Variants in GRID2 observed in about 807,000 individuals in gnomAD.
GRID2 encodes glutamate receptor ionotropic, delta-2.
Under a neutral mutation model 114.8 loss-of-function variants are expected in GRID2, and 33 were observed. The ratio of observed to expected loss-of-function variants is 0.29; its 90% CI spans 0.22 to 0.38. GRID2 has a LOEUF of 0.38. Ranked by LOEUF, GRID2 falls within the 10% of genes least tolerant of loss-of-function variation. GRID2 has a pLI of 1.00. For synonymous variants in GRID2, 505 were observed against 449.9 expected (o/e 1.12, Z -1.55); for missense variants, 1,184 against 1,257.7 (o/e 0.94, Z 0.89).
At chr4:92,391,199 G>A (rs1411061731) in intron 1 of GRID2, among the ~76,000 whole-genome samples, 2 of 152,130 alleles carry the variant, frequency 1.3e-5, no homozygotes, top group Non-Finnish European at 2.9e-5. Flanking sequence ...CACTTTGGAA[G>A]TTTTTAGTCA....
At position 93,290,632 on chromosome 4, in the gene GRID2, G is replaced by A. The variant is rs555455816; in HGVS notation, c.1245+52142G>A. On this transcript the variant is annotated intron_variant, in intron 8 of 15. Transcript: ENST00000282020. ...CCTACACAAAAAGTTACATAAATGA[G>A]ATTAAATATTATGTGTTTTTATCTG... Among the ~76,000 whole-genome samples the A allele has an allele frequency of 2.2e-3, 327 of 152,024 alleles. 2 individuals carry two copies. The highest frequency in any genetic ancestry group is 7.7e-3 in the African/African-American group (318 of 41,488).
intron 10 of GRID2, among the ~76,000 whole-genome samples, chr4:93,428,471 G>A (rs907153050): frequency 5.3e-5 from 8 of 152,048 alleles, no homozygotes; most frequent in African/African-American, 1.9e-4. Flanking sequence ...ATTGAATCAT[G>A]ACTCAATTCA....
intron 2 of GRID2, among the ~76,000 whole-genome samples, chr4:92,594,737 TAA>T (rs909658333): frequency 3.3e-5 from 5 of 152,006 alleles, no homozygotes; most frequent in Non-Finnish European, 7.4e-5. Flanking sequence ...TTTTTATTCA[TAA>T]GTTACTCTTT....
intron 4 of GRID2, among the ~76,000 whole-genome samples, chr4:93,160,692 T>A (rs114381990): frequency 0.014 from 2,200 of 151,882 alleles, 25 homozygotes; most frequent in Admixed American, 0.026. Context: ...GGATAAAATA[T>A]GGGTTCATTC....
At chr4:92,659,769 C>T (rs1050948813) in intron 2 of GRID2, among the ~76,000 whole-genome samples, 1 of 151,420 alleles carries the variant, frequency 6.6e-6, no homozygotes, top group Admixed American at 6.6e-5. Context: ...TGGTACCCCA[C>T]ATTTTCCAGA....
intron 13 of GRID2, among the ~76,000 whole-genome samples, chr4:93,585,286 G>T (rs144655179): frequency 6.6e-6 from 1 of 152,038 alleles, no homozygotes; most frequent in Non-Finnish European, 1.5e-5. Context: ...TTCATTGAAA[G>T]CTCCGTTTTT....
chr4:93,192,848 A>G (rs1245377533), intron 4 of GRID2, among the ~76,000 whole-genome samples: 1 of 152,104 alleles, frequency 6.6e-6, no homozygotes, highest in Non-Finnish European at 1.5e-5. Flanking sequence ...ATGTGTCCAT[A>G]AGAACAAGCC....
chr4:93,391,230 C>A (rs1434548185), intron 8 of GRID2, among the ~76,000 whole-genome samples: 1 of 152,164 alleles, frequency 6.6e-6, no homozygotes, highest in African/African-American at 2.4e-5. Flanking sequence ...CATTCATTCA[C>A]ATGTCAAAGT....
rs530635415 is a variant in GRID2, at chr4:93,678,520, C to A, written c.2360+52085C>A. 3.3e-5 allele frequency among the ~76,000 whole-genome samples: 5 copies of A among 151,954 alleles called. No individual in the cohort carries two copies. In the East Asian group the frequency reaches 7.7e-4, roughly 24 times the overall value. The stretch of plus-strand genomic sequence containing the variant: ...CTGAAGGAAAAAATGTTAAGGGCAG[C>A]CAGAGAGAAAGGTCCGGTTACCCAC... On this transcript the variant is annotated intron_variant, in intron 14 of 15. Transcript: ENST00000282020.
intron 2 of GRID2, among the ~76,000 whole-genome samples, chr4:93,004,538 C>T (rs1721310495): frequency 1.3e-5 from 2 of 152,100 alleles, no homozygotes; most frequent in South Asian, 2.1e-4. Context: ...TTATGAATCC[C>T]GAGTTTCTCC....
intron 2 of GRID2, among the ~76,000 whole-genome samples, chr4:92,923,556 T>A (rs1021904118): frequency 6.6e-6 from 1 of 152,218 alleles, no homozygotes; most frequent in Non-Finnish European, 1.5e-5. Flanking sequence ...CTTATTTCTA[T>A]TCTGCCATTT....
intron 14 of GRID2, among the ~76,000 whole-genome samples, chr4:93,710,072 GCCTTTT>G (rs1560931589): frequency 1.3e-5 from 2 of 152,248 alleles, no homozygotes; most frequent in East Asian, 3.9e-4. Flanking sequence ...GGTCACTGGT[GCCTTTT>G]AGTCTGTTTG....
chr4:93,249,315 A>G (rs906823372), intron 8 of GRID2, among the ~76,000 whole-genome samples: 4 of 152,306 alleles, frequency 2.6e-5, no homozygotes, highest in Admixed American at 6.5e-5. Flanking sequence ...AGATGCCTCC[A>G]GCTTTGTTCT....
chr4:93,159,238 C>T (rs192189673), intron 4 of GRID2, among the ~76,000 whole-genome samples: 26 of 151,756 alleles, frequency 1.7e-4, no homozygotes, highest in Non-Finnish European at 3.7e-4. Flanking sequence ...TCAATAAGGC[C>T]GACTCTGTAA....
At chr4:93,472,508 T>A (rs1023907046) in intron 11 of GRID2, among the ~76,000 whole-genome samples, 8 of 152,166 alleles carry the variant, frequency 5.3e-5, no homozygotes, top group African/African-American at 1.9e-4. Flanking sequence ...ATGATCAATG[T>A]GGTGGATATT....
chr4:93,162,832 A>G (rs190520049), intron 4 of GRID2, among the ~76,000 whole-genome samples: 8 of 152,066 alleles, frequency 5.3e-5, no homozygotes. Context: ...AGATAATAGA[A>G]CACCCAAGAG....
chr4:92,518,201 C>T (rs1724599381), intron 1 of GRID2, among the ~76,000 whole-genome samples: 1 of 151,180 alleles, frequency 6.6e-6, no homozygotes, highest in East Asian at 2.0e-4. Flanking sequence ...CAGATTTAGG[C>T]TCTTCAGTGG....
At chr4:93,052,412 G>T (rs1726806920) in intron 2 of GRID2, among the ~76,000 whole-genome samples, 1 of 151,880 alleles carries the variant, frequency 6.6e-6, no homozygotes, top group Non-Finnish European at 1.5e-5. Flanking sequence ...ACAGTATAAA[G>T]TCTATTTACA....
chr4:93,402,042 AG>A (rs1389429891), intron 9 of GRID2, among the ~76,000 whole-genome samples: 1 of 152,076 alleles, frequency 6.6e-6, no homozygotes, highest in Non-Finnish European at 1.5e-5. Context: ...ATCAGCATGA[AG>A]TAAAGCAATG....
Sources: gnomAD v4.1 joint callset for allele counts (sites outside exome capture counted in the v4.1 genomes callset) on GRCh38, gnomAD v4.1.1 for gene constraint, MANE v1.5 for transcripts, NCBI Gene and HGNC (gene_info 2026-07-23, HGNC 2026-07-21) for gene names.